Variants in GPC6 observed in about 807,000 individuals in gnomAD.
GPC6 encodes the protein glypican 6.
GPC6 carries 14 observed loss-of-function variants against 55.2 expected under a neutral mutation model. The ratio of observed to expected loss-of-function variants is 0.25; its 90% CI spans 0.17 to 0.40. GPC6 has a LOEUF of 0.40. Among genes scored for constraint, GPC6 ranks in the 10% least tolerant of loss-of-function variants. The pLI, the probability that GPC6 is intolerant of heterozygous loss-of-function variation, is 1.00. For synonymous variants in GPC6, 278 were observed against 259.6 expected, an observed-to-expected ratio of 1.07 and a Z score of -0.68; for missense variants, 641 against 708.5, an observed-to-expected ratio of 0.90 and a Z score of 1.08.
Position 93,227,586 on chromosome 13 carries a change from C to T in GPC6, c.130C>T (p.Leu44=), listed in dbSNP as rs781599633. 2.5e-6 allele frequency: 4 copies of T among 1,609,916 alleles called. No homozygotes were observed. The South Asian group carries it at 4.4e-5, about 18-fold the overall frequency. The change falls in exon 1 of 9, where the codon CTG becomes TTG. Residue 44 remains leucine, a synonymous_variant. Transcript: ENST00000377047. The surrounding 1 kb of genome is among the most constrained non-coding windows in gnomAD (Gnocchi z 4.3). The part of the protein sequence containing the change: ...RQAYGAKGFS[L]ADIPYQEIAG... ...GGCGTACGGTGCCAAGGGATTCAGCCTGGCGGACATCCCCTACCAGGAGAT... is the reference window on the plus strand; with the variant it reads ...GGCGTACGGTGCCAAGGGATTCAGCTTGGCGGACATCCCCTACCAGGAGAT...
chr13:94,235,613 C>A (rs1261873873), intron 4 of GPC6, among the ~76,000 whole-genome samples: 1 of 152,078 alleles, frequency 6.6e-6, no homozygotes, highest in Non-Finnish European at 1.5e-5. Context: ...TATTTCTCTA[C>A]CCTATGCCAA....
chr13:93,913,410 A>G (rs1244383676), intron 3 of GPC6, among the ~76,000 whole-genome samples: 1 of 152,250 alleles, frequency 6.6e-6, no homozygotes, highest in African/African-American at 2.4e-5. Context: ...TCTATGCAAA[A>G]TACAGCAAGA....
intron 2 of GPC6, among the ~76,000 whole-genome samples, chr13:93,796,948 TA>T (rs1886214457): frequency 6.6e-6 from 1 of 152,242 alleles, no homozygotes; most frequent in Non-Finnish European, 1.5e-5. Flanking sequence ...TCAAAGCGTC[TA>T]ACTTTTTCAA....
At chr13:93,627,132 C>T (rs1272379653) in intron 2 of GPC6, among the ~76,000 whole-genome samples, 1 of 152,056 alleles carries the variant, frequency 6.6e-6, no homozygotes, top group African/African-American at 2.4e-5. Context: ...TTAGGTATTT[C>T]TCCTAATGCT....
intron 2 of GPC6, among the ~76,000 whole-genome samples, chr13:93,801,589 G>A (rs972345631): frequency 3.3e-5 from 5 of 152,092 alleles, no homozygotes; most frequent in Admixed American, 1.3e-4. Context: ...CCCATTCCTG[G>A]TAAATGTGCT....
intron 3 of GPC6, among the ~76,000 whole-genome samples, chr13:93,914,230 C>A (rs1220337407): frequency 6.6e-6 from 1 of 151,988 alleles, no homozygotes; most frequent in Non-Finnish European, 1.5e-5. Context: ...CCCCACCCCA[C>A]AACAGGCCCC....
At chr13:93,839,906 G>A (rs1467975676) in intron 3 of GPC6, among the ~76,000 whole-genome samples, 3 of 152,088 alleles carry the variant, frequency 2.0e-5, no homozygotes, top group African/African-American at 4.8e-5. Flanking sequence ...TATATTCATC[G>A]AGGATATCAG....
At chr13:93,539,747 A>G (rs1485035635) in intron 1 of GPC6, among the ~76,000 whole-genome samples, 1 of 150,348 alleles carries the variant, frequency 6.7e-6, no homozygotes, top group Non-Finnish European at 1.5e-5. Context: ...GCTAGAGTGC[A>G]ATGACGTGAC....
chr13:93,450,798 A>G, intron 1 of GPC6: 1 of 617,204 alleles, frequency 1.6e-6, no homozygotes, highest in Middle Eastern at 8.3e-4. Context: ...CTTGTAAGCC[A>G]TGACAAGGAA....
At chr13:94,003,988 A>G (rs1283672280) in intron 3 of GPC6, among the ~76,000 whole-genome samples, 3 of 152,252 alleles carry the variant, frequency 2.0e-5, no homozygotes, top group Non-Finnish European at 4.4e-5. Flanking sequence ...TCAAAGATAC[A>G]GGCAAATTAA....
At chr13:93,835,811 C>T (rs549289611) in intron 3 of GPC6, among the ~76,000 whole-genome samples, 21 of 152,124 alleles carry the variant, frequency 1.4e-4, no homozygotes, top group East Asian at 5.8e-4. Context: ...TATGAGTAAA[C>T]GCTGTAAATT....
chr13:94,379,761 C>G (rs907647707), intron 6 of GPC6, among the ~76,000 whole-genome samples: 1 of 152,176 alleles, frequency 6.6e-6, no homozygotes, highest in African/African-American at 2.4e-5. Context: ...ATCCCCTAAG[C>G]TGTGGCAAAT....
intron 3 of GPC6, among the ~76,000 whole-genome samples, chr13:93,927,820 A>G (rs1877941380): frequency 6.6e-6 from 1 of 152,160 alleles, no homozygotes. Flanking sequence ...AATAAGTATG[A>G]GCTCTTTCTA....
intron 4 of GPC6, among the ~76,000 whole-genome samples, chr13:94,257,185 G>T (rs1336998296): frequency 2.6e-5 from 4 of 152,168 alleles, no homozygotes; most frequent in Admixed American, 1.3e-4. Context: ...AGAGTTTAGG[G>T]CAGTAACAGC....
chr13:94,040,051 A>G (rs1020954447), intron 4 of GPC6, among the ~76,000 whole-genome samples: 1 of 151,910 alleles, frequency 6.6e-6, no homozygotes, highest in Non-Finnish European at 1.5e-5. Flanking sequence ...ATACATATTG[A>G]CATTTCATAA....
chr13:94,130,494 C>T (rs1021421746), intron 4 of GPC6, among the ~76,000 whole-genome samples: 18 of 152,062 alleles, frequency 1.2e-4, no homozygotes, highest in Non-Finnish European at 2.6e-4. Context: ...TGCAAAAACC[C>T]AGCCTAAACC....
intron 4 of GPC6, among the ~76,000 whole-genome samples, chr13:94,284,889 G>T (rs1892487096): frequency 6.6e-6 from 1 of 150,710 alleles, no homozygotes; most frequent in South Asian, 2.1e-4. Context: ...CACATAACAT[G>T]AAATCTACCC....
intron 2 of GPC6, among the ~76,000 whole-genome samples, chr13:93,685,057 T>C (rs1881998423): frequency 6.6e-6 from 1 of 152,186 alleles, no homozygotes; most frequent in Non-Finnish European, 1.5e-5. Flanking sequence ...GAATAAAGAT[T>C]TTAAGATATC....
chr13:93,816,899 A>G lies in GPC6; in HGVS notation c.320-13255A>G, dbSNP rs1236107302. 2.0e-5 allele frequency among the ~76,000 whole-genome samples: 3 copies of G among 152,156 alleles called. No individual in the cohort carries two copies. The East Asian group carries it at 5.8e-4, about 29-fold the overall frequency. On this transcript the variant is annotated intron_variant, in intron 2 of 8. Coordinates refer to ENST00000377047, the MANE Select transcript of GPC6 (RefSeq NM_005708.5). ...ATACTATTACGGTATTATATTTTGT[A>G]TTAAAAGTGGATTTCATTTGAATCT...
Sources: gnomAD v4.1 joint callset for allele counts (sites outside exome capture counted in the v4.1 genomes callset) on GRCh38, gnomAD v4.1.1 for gene constraint, Gnocchi (gnomAD v3.1) non-coding constraint, MANE v1.5 for transcripts, NCBI Gene and HGNC (gene_info 2026-07-23, HGNC 2026-07-21) for gene names.